Variants in REDIC1 observed in about 807,000 individuals in gnomAD.
The protein encoded by REDIC1 is HEI10 Interacting Protein 1.
chr12:39,646,890 T>C, the REDIC1 span: 1 of 1,590,682 alleles, frequency 6.3e-7, no homozygotes, highest in Non-Finnish European at 8.6e-7. Context: ...CCAGTCCAGG[T>C]GAGATTTTTA....
the REDIC1 span, among the ~76,000 whole-genome samples, chr12:39,855,521 C>T: frequency 1.3e-5 from 2 of 152,158 alleles, no homozygotes; most frequent in Non-Finnish European, 2.9e-5. Flanking sequence ...TTTGCAATTA[C>T]GTATCTGCAT....
the REDIC1 span, among the ~76,000 whole-genome samples, chr12:39,704,710 G>GT: frequency 6.6e-6 from 1 of 152,130 alleles, no homozygotes; most frequent in African/African-American, 2.4e-5. Flanking sequence ...AAGAAAATGT[G>GT]GCACATATAG....
the REDIC1 span, among the ~76,000 whole-genome samples, chr12:39,628,557 A>G: frequency 6.6e-6 from 1 of 152,204 alleles, no homozygotes; most frequent in Non-Finnish European, 1.5e-5. Flanking sequence ...TAAAATATAG[A>G]CAAGTGAAGT....
At chr12:39,768,508 G>A in the REDIC1 span, among the ~76,000 whole-genome samples, 8 of 152,080 alleles carry the variant, frequency 5.3e-5, no homozygotes, top group African/African-American at 1.9e-4. Flanking sequence ...TAAAGTGAGA[G>A]TCGTGCTACT....
the REDIC1 span, among the ~76,000 whole-genome samples, chr12:39,901,906 G>A: frequency 3.6e-4 from 55 of 151,736 alleles, no homozygotes; most frequent in Middle Eastern, 6.8e-3. Flanking sequence ...TGTTTATTGC[G>A]GCATTATTCC....
the REDIC1 span, among the ~76,000 whole-genome samples, chr12:39,713,810 T>C: frequency 6.7e-6 from 1 of 148,672 alleles, no homozygotes; most frequent in Non-Finnish European, 1.5e-5. Context: ...TATGCATGTG[T>C]ATATATACGT....
At chr12:39,657,371 T>C in the REDIC1 span, among the ~76,000 whole-genome samples, 1 of 152,204 alleles carries the variant, frequency 6.6e-6, no homozygotes, top group African/African-American at 2.4e-5. Flanking sequence ...TTTGTGTAAG[T>C]ACACCCTATG....
At chr12:39,731,102 C>T in the REDIC1 span, among the ~76,000 whole-genome samples, 615 of 152,268 alleles carry the variant, frequency 4.0e-3, 4 homozygotes, top group African/African-American at 0.014. Context: ...TTAGAACACG[C>T]GTCTTTAGCT....
At chr12:39,644,651 T>C in the REDIC1 span, among the ~76,000 whole-genome samples, 2 of 151,908 alleles carry the variant, frequency 1.3e-5, no homozygotes, top group Admixed American at 6.6e-5. Context: ...CACAAGTAAA[T>C]TTAGTTATAC....
At chr12:39,751,976 C>T in the REDIC1 span, among the ~76,000 whole-genome samples, 1 of 152,134 alleles carries the variant, frequency 6.6e-6, no homozygotes, top group Non-Finnish European at 1.5e-5. Context: ...GGGTGCAGCA[C>T]ACCAGCATGG....
the REDIC1 span, among the ~76,000 whole-genome samples, chr12:39,711,979 G>A: frequency 9.6e-6 from 1 of 104,420 alleles, no homozygotes; most frequent in Non-Finnish European, 2.1e-5. Context: ...ATATATACAT[G>A]TCATGTCTAT....
the REDIC1 span, among the ~76,000 whole-genome samples, chr12:39,670,768 G>T: frequency 2.0e-5 from 3 of 147,364 alleles, no homozygotes; most frequent in African/African-American, 2.5e-5. Flanking sequence ...AAATTCATCT[G>T]ACTGGGTTAT....
the REDIC1 span, chr12:39,647,704 CA>C: frequency 1.0e-6 from 1 of 995,424 alleles, no homozygotes; most frequent in Non-Finnish European, 1.4e-6. Context: ...CTGCCCTTTT[CA>C]CTTATTTTAA....
chr12:39,862,932 G>T, the REDIC1 span, among the ~76,000 whole-genome samples: 3 of 152,120 alleles, frequency 2.0e-5, no homozygotes, highest in African/African-American at 4.8e-5. Context: ...TAGAGCAGAG[G>T]ATTATAGATG....
At chr12:39,748,362 A>C in the REDIC1 span, among the ~76,000 whole-genome samples, 1 of 152,254 alleles carries the variant, frequency 6.6e-6, no homozygotes, top group African/African-American at 2.4e-5. Context: ...TTCAACAAGA[A>C]GAGCTAACTA....
At chr12:39,892,380 C>T in the REDIC1 span, among the ~76,000 whole-genome samples, 1 of 152,278 alleles carries the variant, frequency 6.6e-6, no homozygotes, top group East Asian at 1.9e-4. Flanking sequence ...TTGGAACTGT[C>T]TGGCCCGGCC....
the REDIC1 span, among the ~76,000 whole-genome samples, chr12:39,901,855 G>T: frequency 7.6e-4 from 114 of 149,544 alleles, no homozygotes; most frequent in African/African-American, 2.6e-3. Flanking sequence ...TATACCCAAA[G>T]GACTATAAAT....
chr12:39,895,351 T>A, the REDIC1 span, among the ~76,000 whole-genome samples: 5 of 150,746 alleles, frequency 3.3e-5, no homozygotes, highest in Admixed American at 1.3e-4. Context: ...TTAGCCGGGC[T>A]TGGTGGCAGG....
chr12:39,690,587 ATTCTT>A, the REDIC1 span, among the ~76,000 whole-genome samples: 10 of 152,142 alleles, frequency 6.6e-5, no homozygotes, highest in South Asian at 2.1e-4. Flanking sequence ...TTGAATATGA[ATTCTT>A]TTCAAGATTC....
Sources: allele counts gnomAD v4.1 joint callset (sites outside exome capture counted in the v4.1 genomes callset), GRCh38; gene constraint gnomAD v4.1.1; transcripts MANE v1.5; gene names NCBI Gene and HGNC (gene_info 2026-07-23, HGNC 2026-07-21).